The following PRH1 variants were observed in gnomAD, a reference collection of about 807,000 sequenced individuals.
PRH1 encodes the protein salivary acidic proline-rich phosphoprotein 1/2.
In PRH1, 7 loss-of-function variants were observed where a neutral mutation model predicts 7.9. The observed-to-expected ratio is 0.89, with a 90% CI of 0.50 to 1.67. The LOEUF (loss-of-function observed/expected upper bound fraction) is 1.67. PRH1 is among the 40% of genes most tolerant of loss of function. The pLI is 0.00. For missense variants in PRH1, 109 were observed against 223.6 expected (o/e 0.49, Z 3.27); for synonymous variants, 45 against 80.8 (o/e 0.56, Z 2.38).
intron 2 of PRH1, among the ~76,000 whole-genome samples, chr12:10,935,999 A>G (rs1013166072): frequency 6.6e-6 from 1 of 152,146 alleles, no homozygotes; most frequent in Non-Finnish European, 1.5e-5. Context: ...AATTCCTACA[A>G]GAATGAAAAT....
At chr12:11,121,956 AATAGAG>A (rs1421049776) in intron 1 of PRH1, among the ~76,000 whole-genome samples, 17 of 152,342 alleles carry the variant, frequency 1.1e-4, no homozygotes, top group Admixed American at 5.9e-4. Flanking sequence ...CTTAATTATA[AATAGAG>A]ATAATTCTTC....
At chr12:10,903,229 T>A (rs1023461237) in intron 2 of PRH1, among the ~76,000 whole-genome samples, 5 of 151,876 alleles carry the variant, frequency 3.3e-5, no homozygotes, top group Non-Finnish European at 5.9e-5. Flanking sequence ...ATAAAACAGA[T>A]TTTAAACCAA....
chr12:11,048,169 G>T (rs1942982489), upstream of PRH1, among the ~76,000 whole-genome samples: 1 of 116,580 alleles, frequency 8.6e-6, no homozygotes, highest in African/African-American at 2.8e-5. Flanking sequence ...TGTATAGATA[G>T]ATAGATAGAT....
chr12:11,045,473 T>C (rs1396883616), intron 1 of PRH1, among the ~76,000 whole-genome samples: 1 of 152,140 alleles, frequency 6.6e-6, no homozygotes. Context: ...TTTGAGGGGA[T>C]GGCTACCCCA....
intron 2 of PRH1, chr12:10,908,980 A>G (rs953459143): frequency 6.2e-7 from 1 of 1,613,790 alleles, no homozygotes. Context: ...TTGAGCAAAT[A>G]AAAGATGCTG....
chr12:11,159,490 T>C (rs1480800743), intron 1 of PRH1: 2 of 151,672 alleles, frequency 1.3e-5, no homozygotes, highest in Admixed American at 1.3e-4. Flanking sequence ...GACAATACCA[T>C]TATAAATGAA....
At chr12:10,940,398 A>G (rs1057255519) in intron 2 of PRH1, among the ~76,000 whole-genome samples, 2 of 152,250 alleles carry the variant, frequency 1.3e-5, no homozygotes, top group East Asian at 3.8e-4. Context: ...ATAGTAATAC[A>G]TGTAAATATT....
intron 1 of PRH1, among the ~76,000 whole-genome samples, chr12:11,103,139 C>G (rs900314898): frequency 6.6e-6 from 1 of 152,114 alleles, no homozygotes; most frequent in East Asian, 1.9e-4. Context: ...GTGGCGATTC[C>G]TCAGGGATAT....
intron 1 of PRH1, among the ~76,000 whole-genome samples, chr12:11,170,104 A>T (rs1947771605): frequency 6.6e-6 from 1 of 152,240 alleles, no homozygotes; most frequent in African/African-American, 2.4e-5. Flanking sequence ...ATAATCCATG[A>T]ATGAAGACGG....
chr12:10,881,718 A>T (rs1471938084), intron 3 of PRH1, among the ~76,000 whole-genome samples: 1 of 152,208 alleles, frequency 6.6e-6, no homozygotes, highest in Non-Finnish European at 1.5e-5. Flanking sequence ...AGCTCTGTAC[A>T]TTTCGGTTCA....
At chr12:10,929,169 C>G in intron 2 of PRH1, 3 of 1,492,150 alleles carry the variant, frequency 2.0e-6, no homozygotes, top group Non-Finnish European at 2.8e-6. Flanking sequence ...GGAGGCCCAC[C>G]TGGTAGGGAG....
At chr12:11,127,819 T>C (rs1946185938) in intron 1 of PRH1, among the ~76,000 whole-genome samples, 1 of 108,534 alleles carries the variant, frequency 9.2e-6, no homozygotes, top group Non-Finnish European at 2.2e-5. Flanking sequence ...AATACTCAAC[T>C]ATTTTGGCCG....
At chr12:10,987,714 C>T (rs1393902699) in intron 1 of PRH1, among the ~76,000 whole-genome samples, 1 of 152,042 alleles carries the variant, frequency 6.6e-6, no homozygotes, top group Non-Finnish European at 1.5e-5. Flanking sequence ...AAAAATGTAT[C>T]AAACATCAAA....
At chr12:11,007,136 G>A (rs1940869221) in intron 1 of PRH1, among the ~76,000 whole-genome samples, 1 of 151,990 alleles carries the variant, frequency 6.6e-6, no homozygotes, top group Non-Finnish European at 1.5e-5. Flanking sequence ...TATAAATATG[G>A]ATTTATTTTT....
chr12:11,070,611 T>C (rs1437428846), intron 1 of PRH1, among the ~76,000 whole-genome samples: 4 of 152,174 alleles, frequency 2.6e-5, no homozygotes, highest in African/African-American at 9.7e-5. Flanking sequence ...GAAACTTCCT[T>C]CAGTCTCTTC....
At chr12:11,035,152 G>A (rs1401345031) in intron 1 of PRH1, among the ~76,000 whole-genome samples, 1 of 151,532 alleles carries the variant, frequency 6.6e-6, no homozygotes, top group East Asian at 1.9e-4. Flanking sequence ...ATGTTAATTT[G>A]GTTTTAGTTA....
At chr12:11,003,936 C>G (rs1222342438) in intron 1 of PRH1, among the ~76,000 whole-genome samples, 2 of 141,430 alleles carry the variant, frequency 1.4e-5, no homozygotes, top group Admixed American at 1.4e-4. Flanking sequence ...ATTTATTTAT[C>G]CATTTTATTA....
At chr12:11,171,350 C>A in intron 1 of PRH1, 2 of 1,231,604 alleles carry the variant, frequency 1.6e-6, no homozygotes, top group Non-Finnish European at 1.0e-6. Context: ...GCGGCGACAC[C>A]TGGCTCATGG....
intron 2 of PRH1, among the ~76,000 whole-genome samples, chr12:10,890,434 T>C (rs1949554934): frequency 6.6e-6 from 1 of 152,108 alleles, no homozygotes; most frequent in Non-Finnish European, 1.5e-5. Context: ...GTTTGTTCAA[T>C]CCTCATCAGT....
Sources: allele counts gnomAD v4.1 joint callset (sites outside exome capture counted in the v4.1 genomes callset), GRCh38; gene constraint gnomAD v4.1.1; transcripts MANE v1.5; gene names NCBI Gene and HGNC (gene_info 2026-07-23, HGNC 2026-07-21).